MAP4K3: variants seen among roughly 807,000 people sequenced by gnomAD.
MAP4K3 encodes the protein mitogen-activated protein kinase kinase kinase kinase 3, also known as MAPK/ERK kinase kinase kinase 3.
In MAP4K3, 94 loss-of-function variants were observed where a neutral mutation model predicts 143.5. The ratio of observed to expected loss-of-function variants is 0.65; its 90% CI spans 0.55 to 0.78. The LOEUF is 0.78. Ranked by LOEUF, MAP4K3 falls within the 30% of genes least tolerant of loss-of-function variation. The probability of loss-of-function intolerance (pLI) is 0.00; values close to 1 mark genes in which losing one functional copy is unlikely to be tolerated. For synonymous variants in MAP4K3, 416 were observed against 347.2 expected (o/e 1.20, Z -2.20); for missense variants, 1,077 against 1,068.1 (o/e 1.01, Z -0.12).
intron 2 of MAP4K3, among the ~76,000 whole-genome samples, chr2:39,369,261 T>C (rs1343928878): frequency 7.5e-6 from 1 of 132,948 alleles, no homozygotes; most frequent in Non-Finnish European, 1.5e-5. Flanking sequence ...AGTGGTGTGA[T>C]CTTGGCTCAC....
chr2:39,391,383 A>T (rs1351523559), intron 1 of MAP4K3, among the ~76,000 whole-genome samples: 1 of 139,094 alleles, frequency 7.2e-6, no homozygotes, highest in African/African-American at 2.6e-5. Flanking sequence ...AAAAAAAAAG[A>T]AAGAAAGAAA....
In MAP4K3 at chr2:39,254,485, G is replaced by A; in HGVS notation, c.2506C>T (p.His836Tyr). 6.2e-7 allele frequency: 1 copy of A among 1,613,846 alleles called. No individual in the cohort carries two copies. The highest frequency in any genetic ancestry group is 8.5e-7 in the Non-Finnish European group (1 of 1,179,856). ...CTAAAACTTCTACCTTGCATTCCAT[G>A]TTTCCAGAAAGCTAGCACACTGTCT... ...LQDSVLAFWK[H>Y]GMQGRSFRSN... The change falls in exon 32 of 34, where the codon CAT becomes TAT. Residue 836 changes from histidine (H) to tyrosine (Y), a missense_variant. His to Tyr is a moderately conservative substitution (Grantham distance 83). Around this residue, in one of 2 missense-constraint regions of MAP4K3, gnomAD observed 864 missense variants for 801.2 expected, o/e 1.08. Coordinates refer to ENST00000263881, the MANE Select transcript of MAP4K3 (RefSeq NM_003618.4).
chr2:39,340,065 TGTTA>T (rs1665095742), intron 4 of MAP4K3, among the ~76,000 whole-genome samples: 1 of 152,324 alleles, frequency 6.6e-6, no homozygotes, highest in Non-Finnish European at 1.5e-5. Flanking sequence ...AAGGTTCTAC[TGTTA>T]GTTCTTCAAA....
chr2:39,332,052 TAAAA>T, intron 7 of MAP4K3, 63 bp from the exon 8 acceptor site: 1 of 906,622 alleles, frequency 1.1e-6, no homozygotes, highest in Non-Finnish European at 1.7e-6. Flanking sequence ...TAAGGCAACA[TAAAA>T]AGAAACTTTT....
chr2:39,255,114 TTTACTA>T (rs940952322), intron 31 of MAP4K3, among the ~76,000 whole-genome samples: 12 of 152,296 alleles, frequency 7.9e-5, no homozygotes, highest in Non-Finnish European at 1.0e-4. Context: ...CATGCATGTT[TTTACTA>T]TTACTATAAG....
At chr2:39,408,704 A>G (rs2148615445) in intron 1 of MAP4K3, among the ~76,000 whole-genome samples, 1 of 151,686 alleles carries the variant, frequency 6.6e-6, no homozygotes, top group Non-Finnish European at 1.5e-5. Context: ...GATCTTAGAG[A>G]AATTTAAGAG....
chr2:39,410,040 G>A (rs1342212494), intron 1 of MAP4K3, among the ~76,000 whole-genome samples: 1 of 152,208 alleles, frequency 6.6e-6, no homozygotes, highest in Admixed American at 6.5e-5. Context: ...ATATGATTAT[G>A]CCCAACATTT....
intron 2 of MAP4K3, among the ~76,000 whole-genome samples, chr2:39,361,678 AT>A (rs1183783781): frequency 2.0e-5 from 3 of 151,418 alleles, no homozygotes; most frequent in Non-Finnish European, 4.4e-5. Context: ...TAAAATGATT[AT>A]TTAAACATTA....
At chr2:39,368,232 G>A (rs377010287) in intron 2 of MAP4K3, among the ~76,000 whole-genome samples, 1 of 152,090 alleles carries the variant, frequency 6.6e-6, no homozygotes, top group African/African-American at 2.4e-5. Context: ...TATTATAGTA[G>A]ACTCAAAAAA....
intron 26 of MAP4K3, 44 bp from the exon 27 acceptor site, chr2:39,267,291 T>C: frequency 6.9e-7 from 1 of 1,456,154 alleles, no homozygotes. Context: ...GTAGGCAAAC[T>C]TAGTATATGA....
intron 1 of MAP4K3, among the ~76,000 whole-genome samples, chr2:39,412,046 G>C (rs1667245994): frequency 6.6e-6 from 1 of 152,180 alleles, no homozygotes; most frequent in Non-Finnish European, 1.5e-5. Context: ...TTCCCAAAGT[G>C]TGTTCTGTGG....
intron 6 of MAP4K3, among the ~76,000 whole-genome samples, chr2:39,335,919 C>G (rs1287612043): frequency 2.0e-5 from 3 of 152,052 alleles, no homozygotes; most frequent in Non-Finnish European, 2.9e-5. Context: ...AGATTTGCCC[C>G]AGCCTCTATC....
intron 24 of MAP4K3, among the ~76,000 whole-genome samples, chr2:39,275,419 C>G (rs188684478): frequency 1.1e-4 from 17 of 152,136 alleles, no homozygotes; most frequent in Admixed American, 1.1e-3. Flanking sequence ...GAGGTCAAGG[C>G]TGCAGTGAGC....
intron 2 of MAP4K3, among the ~76,000 whole-genome samples, chr2:39,367,998 C>T (rs1260616983): frequency 2.6e-5 from 4 of 152,170 alleles, no homozygotes; most frequent in African/African-American, 9.7e-5. Flanking sequence ...GAGGGCTTAA[C>T]TTGAGCTTCC....
chr2:39,428,035 C>T (rs1377948117), intron 1 of MAP4K3, among the ~76,000 whole-genome samples: 3 of 152,210 alleles, frequency 2.0e-5, no homozygotes, highest in Non-Finnish European at 1.5e-5. Flanking sequence ...GGTCAAGATT[C>T]ACTCTTTCAG....
intron 1 of MAP4K3, 47 bp downstream of exon 1, chr2:39,436,845 C>G: frequency 6.6e-7 from 1 of 1,526,374 alleles, no homozygotes; most frequent in Non-Finnish European, 9.0e-7. Flanking sequence ...GGCTTGGCTG[C>G]GGGTCGGGAT....
intron 29 of MAP4K3, among the ~76,000 whole-genome samples, chr2:39,260,048 T>C (rs1287869966): frequency 6.6e-6 from 1 of 152,230 alleles, no homozygotes; most frequent in Non-Finnish European, 1.5e-5. Context: ...CAGATCCTTA[T>C]ATTCATTTCT....
At chr2:39,405,757 A>G (rs1325590913) in intron 1 of MAP4K3, among the ~76,000 whole-genome samples, 1 of 152,116 alleles carries the variant, frequency 6.6e-6, no homozygotes, top group Admixed American at 6.5e-5. Flanking sequence ...GGTCCCATCT[A>G]CGTGGGAGGC....
chr2:39,306,643 C>T (rs908794994), intron 15 of MAP4K3, among the ~76,000 whole-genome samples: 4 of 152,156 alleles, frequency 2.6e-5, no homozygotes, highest in African/African-American at 9.7e-5. Context: ...TTAAAGGAAT[C>T]CGAGATTAGT....
Sources: gnomAD v4.1 joint callset for allele counts (sites outside exome capture counted in the v4.1 genomes callset) on GRCh38, gnomAD v4.1.1 for gene constraint, gnomAD v4.1.1 regional missense constraint, MANE v1.5 for transcripts, NCBI Gene and HGNC (gene_info 2026-07-23, HGNC 2026-07-21) for gene names.